PCDHGA7: variants seen among roughly 807,000 people sequenced by gnomAD.
PCDHGA7 encodes protocadherin gamma subfamily A, 7, also known as protocadherin gamma-A7.
PCDHGA7 carries 44 observed loss-of-function variants against 58.3 expected under a neutral mutation model. That is an observed-to-expected ratio of 0.75 (90% CI 0.59 to 0.97). The LOEUF is 0.97. PCDHGA7 is among the 50% of genes least tolerant of loss of function. The probability of loss-of-function intolerance (pLI) is 0.00; values close to 1 mark genes in which losing one functional copy is unlikely to be tolerated. For synonymous variants in PCDHGA7, 516 were observed against 504.2 expected (o/e 1.02, Z -0.31); for missense variants, 1,266 against 1,188.7 (o/e 1.06, Z -0.96).
At chr5:141,406,332 G>A (rs957923011) in intron 1 of PCDHGA7, among the ~76,000 whole-genome samples, 4 of 152,142 alleles carry the variant, frequency 2.6e-5, no homozygotes, top group East Asian at 1.9e-4. Context: ...TTACTCCTAC[G>A]ATCATTTATT....
Position 141,490,225 on chromosome 5 carries a change from G to A in PCDHGA7, c.2425-4582G>A, listed in dbSNP as rs2099697468. On this transcript the variant is annotated intron_variant, in intron 1 of 3. Coordinates refer to ENST00000518325, the MANE Select transcript of PCDHGA7 (RefSeq NM_018920.4). This position sits in a 1 kb window ranked among gnomAD's most constrained non-coding sequence, Gnocchi z 5.4. The stretch of plus-strand genomic sequence containing the variant: ...AAGAGCCCGTGACCAGGGACAGCCT[G>A]CCATGGAGGGCCACTGTGTGATTCA... The A allele has an allele frequency of 6.2e-7, 1 of 1,614,112 alleles. No homozygotes were observed. The highest frequency in any genetic ancestry group is 1.1e-5 in the South Asian group (1 of 91,090).
At chr5:141,423,757 G>C (rs562479446) in intron 1 of PCDHGA7, 29 of 395,138 alleles carry the variant, frequency 7.3e-5, no homozygotes, top group African/African-American at 6.1e-4. Flanking sequence ...GTTTGGGGGG[G>C]GGGTGGGGCG....
chr5:141,497,960 C>T (rs946836523), intron 2 of PCDHGA7, among the ~76,000 whole-genome samples: 24 of 152,202 alleles, frequency 1.6e-4, no homozygotes, highest in African/African-American at 5.8e-4. Flanking sequence ...GTTGGCCAGG[C>T]AGTGTTCTCG....
rs1397489820 is a variant in PCDHGA7 at position 141,383,042 on chromosome 5, T to C, written c.143T>C (p.Ile48Thr). Residue 48 changes from isoleucine to threonine, a missense_variant, in exon 1 of 4, where the codon ATC becomes ACC. Physicochemically the swap from Ile to Thr is moderately conservative, Grantham distance 89 (BLOSUM62 -1). Transcript: ENST00000518325. ...ETDKGSFVGD[I>T]AKDLGLEPRE... is the part of the protein sequence containing the mutation. ...GACAAAGGGTCCTTTGTGGGAGACA[T>C]CGCCAAGGACCTGGGGCTGGAGCCC... 1 of 1,613,842 alleles carries C rather than the reference T, an allele frequency of 6.2e-7. No homozygotes were observed. Among genetic ancestry groups the C allele is most frequent in the Non-Finnish European group, 8.5e-7 (1 of 1,179,900 alleles).
chr5:141,421,895 G>A, intron 1 of PCDHGA7: 1 of 1,613,730 alleles, frequency 6.2e-7, no homozygotes, highest in African/African-American at 1.3e-5. Flanking sequence ...GATCCCATCC[G>A]AAAGGGCGCA....
rs758579068 is a variant in PCDHGA7, at chr5:141,485,232, T to C, written c.2425-9575T>C. 6.2e-7 allele frequency: 1 copy of C among 1,614,136 alleles called. No individual in the cohort carries two copies. The highest frequency in any genetic ancestry group is 8.5e-7 in the Non-Finnish European group (1 of 1,180,016). Reference sequence around the variant, plus strand: ...TGGCGGTGGGCTACCCTTTTGTTCCTCTTTTACCACCTGGGTTACGTTTGT... The same window carrying C: ...TGGCGGTGGGCTACCCTTTTGTTCCCCTTTTACCACCTGGGTTACGTTTGT... On this transcript the variant is annotated intron_variant, in intron 1 of 3. Coordinates refer to ENST00000518325, the MANE Select transcript of PCDHGA7 (RefSeq NM_018920.4). This position sits in a 1 kb window ranked among gnomAD's most constrained non-coding sequence, Gnocchi z 5.7.
chr5:141,387,492 G>C (rs779250536), intron 1 of PCDHGA7, among the ~76,000 whole-genome samples: 1 of 152,220 alleles, frequency 6.6e-6, no homozygotes, highest in Non-Finnish European at 1.5e-5. Flanking sequence ...GCATTCCTAA[G>C]AGTACATTTT....
chr5:141,415,095 C>G, intron 1 of PCDHGA7: 2 of 1,613,584 alleles, frequency 1.2e-6, no homozygotes, highest in Non-Finnish European at 1.7e-6. Context: ...TGGACAGAGA[C>G]GCGCTCAAGC....
chr5:141,422,052 CG>C (rs1282698929), intron 1 of PCDHGA7: 1 of 1,611,298 alleles, frequency 6.2e-7, no homozygotes, highest in South Asian at 1.1e-5. Context: ...AGGGAATCAA[CG>C]GGGAAGTAAT....
chr5:141,404,073 G>A lies in PCDHGA7; in HGVS notation c.2424+18750G>A, dbSNP rs746951310. On this transcript the variant is annotated intron_variant, in intron 1 of 3. Transcript: ENST00000518325. The stretch of plus-strand genomic sequence containing the variant: ...ATTCTTCTTTTCAATGCTCATGACC[G>A]AGACTCCGGGAAGAATGGTCAAGTT... The A allele has an allele frequency of 1.5e-5, 24 of 1,613,602 alleles. No individual in the cohort carries two copies. Among genetic ancestry groups the A allele is most frequent in the Non-Finnish European group, 1.9e-5 (22 of 1,179,684 alleles).
chr5:141,393,121 T>A, intron 1 of PCDHGA7: 1 of 1,613,428 alleles, frequency 6.2e-7, no homozygotes, highest in African/African-American at 1.3e-5. Context: ...CCGCGGTGTC[T>A]GATAAATATT....
chr5:141,415,411 G>A (rs754595054), intron 1 of PCDHGA7: 45 of 1,614,112 alleles, frequency 2.8e-5, no homozygotes, highest in Non-Finnish European at 3.6e-5. Context: ...GCACTTTGTG[G>A]GCGTGGACGG....
chr5:141,390,532 T>A, intron 1 of PCDHGA7: 1 of 531,632 alleles, frequency 1.9e-6, no homozygotes, highest in Non-Finnish European at 3.3e-6. Flanking sequence ...GGTGTGGTTT[T>A]AACCACAAAG....
At position 141,444,986 on chromosome 5, in the gene PCDHGA7, T is replaced by C. The variant is rs990862582; in HGVS notation, c.2425-49821T>C. On this transcript the variant is annotated intron_variant, in intron 1 of 3. Transcript: ENST00000518325. ...TGACACTTCAAATCCATGAACATGG[T>C]ATATATTTCCATTTAATTAGGTCTT... Among the ~76,000 whole-genome samples, 4 of 152,206 alleles carry C rather than the reference T, an allele frequency of 2.6e-5. No individual in the cohort carries two copies. The East Asian group carries it at 7.7e-4, about 29-fold the overall frequency.
In PCDHGA7 at chr5:141,385,264, G is replaced by C. The variant is rs879420336; in HGVS notation, c.2365G>C (p.Asp789His). 3 of 1,613,712 alleles carry C rather than the reference G, an allele frequency of 1.9e-6. No individual in the cohort carries two copies. In the African/African-American group the frequency reaches 4.0e-5, roughly 22 times the overall value. ...LISQESCEKN[D>H]SLLTSVDFQE... is the part of the protein sequence containing the mutation. The stretch of plus-strand genomic sequence containing the variant: ...CAGCCAGGAGAGCTGTGAGAAAAAT[G>C]ATTCTTTGCTAACATCCGTAGATTT... The change falls in exon 1 of 4, where the codon GAT becomes CAT. Residue 789 changes from aspartate to histidine, a missense_variant. Transcript: ENST00000518325.
chr5:141,413,599 C>G, intron 1 of PCDHGA7: 2 of 1,613,830 alleles, frequency 1.2e-6, no homozygotes, highest in East Asian at 2.2e-5. Flanking sequence ...AGCAGAAAAT[C>G]TAGACGTAAA....
At chr5:141,427,880 C>G in intron 1 of PCDHGA7, 5 of 1,563,170 alleles carry the variant, frequency 3.2e-6, no homozygotes, top group Non-Finnish European at 3.5e-6. Context: ...CGATGCAGGC[C>G]CACGACCAGG....
rs749415234 is a variant in PCDHGA7 at position 141,419,462 on chromosome 5, C to G, written c.2424+34139C>G. 9 of 1,612,582 alleles carry G rather than the reference C, an allele frequency of 5.6e-6. 1 individual carries two copies. The highest frequency in any genetic ancestry group is 1.7e-5 in the Admixed American group (1 of 59,984). On this transcript the variant is annotated intron_variant, in intron 1 of 3. Transcript: ENST00000518325. ...CACCTTCGAGCTCACGCTGCAGGCC[C>G]GCGACCAGGGCTCGCCCGCGCTCAG... is the stretch of plus-strand genomic sequence containing the variant.
chr5:141,459,084 A>T (rs2098960410), intron 1 of PCDHGA7, among the ~76,000 whole-genome samples: 2 of 152,204 alleles, frequency 1.3e-5, no homozygotes, highest in Non-Finnish European at 2.9e-5. Flanking sequence ...TGCCTTTTAA[A>T]ATTATACAGT....
Sources: gnomAD v4.1 joint callset for allele counts (sites outside exome capture counted in the v4.1 genomes callset) on GRCh38, gnomAD v4.1.1 for gene constraint, Gnocchi (gnomAD v3.1) non-coding constraint, MANE v1.5 for transcripts, NCBI Gene and HGNC (gene_info 2026-07-23, HGNC 2026-07-21) for gene names.